The following C13orf46 variants were observed in gnomAD, a reference collection of about 807,000 sequenced individuals.
C13orf46 encodes the protein uncharacterized protein C13orf46.
At chr13:113,957,587 TGC>T (rs2052548939) in intron 6 of C13orf46, among the ~76,000 whole-genome samples, 1 of 121,708 alleles carries the variant, frequency 8.2e-6, no homozygotes, top group Non-Finnish European at 1.7e-5. Flanking sequence ...GGGTCTCCCC[TGC>T]ACTCTGCCTG....
intron 6 of C13orf46, among the ~76,000 whole-genome samples, chr13:113,960,267 T>C (rs1351855510): frequency 6.6e-6 from 1 of 150,456 alleles, no homozygotes; most frequent in African/African-American, 2.4e-5. Flanking sequence ...AAAAAAAAGA[T>C]TGAGCTTTGA....
chr13:113,963,465 CCT>C (rs1208063048), intron 6 of C13orf46, among the ~76,000 whole-genome samples: 4,956 of 121,726 alleles, frequency 0.041, 663 homozygotes, highest in Non-Finnish European at 0.071. Flanking sequence ...CAGCTTCACC[CCT>C]GTCCTCAGCC....
the C13orf46 span, among the ~76,000 whole-genome samples, chr13:113,931,551 G>A: frequency 6.6e-6 from 1 of 152,230 alleles, no homozygotes; most frequent in African/African-American, 2.4e-5. Flanking sequence ...GCGGGTGACA[G>A]GGTGTGACAT....
chr13:113,949,824 T>C, downstream of C13orf46, among the ~76,000 whole-genome samples: 1 of 151,480 alleles, frequency 6.6e-6, no homozygotes, highest in South Asian at 2.1e-4. Context: ...CTTGGGGACC[T>C]TGGTGCTCCC....
At chr13:113,930,347 AGCACCGAGG>A in the C13orf46 span, among the ~76,000 whole-genome samples, 1 of 85,340 alleles carries the variant, frequency 1.2e-5, no homozygotes, top group African/African-American at 5.7e-5. Flanking sequence ...GGAGTGGAGG[AGCACCGAGG>A]TGGGGGCGCA....
the C13orf46 span, among the ~76,000 whole-genome samples, chr13:113,930,379 C>CG: frequency 2.1e-3 from 203 of 96,850 alleles, 5 homozygotes; most frequent in Admixed American, 1.6e-3. Context: ...AGCACCGAGG[C>CG]GGGGGCGCAG....
the C13orf46 span, among the ~76,000 whole-genome samples, chr13:113,937,432 C>T: frequency 2.0e-5 from 3 of 152,214 alleles, no homozygotes; most frequent in African/African-American, 7.2e-5. Context: ...ATCATTAGCA[C>T]TGGGGTCTTT....
chr13:113,954,992 T>A lies in C13orf46; in HGVS notation c.*1781A>T, dbSNP rs1235647796. On this transcript the variant is annotated 3_prime_UTR_variant, in exon 7 of 7. Transcript: ENST00000636427. ...GATCTGGCGGAGACGAGGAGGAGGA[T>A]CTGGCAGAGAGGAGGAGTAGGATCT... The A allele has an allele frequency of 1.3e-5, 1 of 79,456 alleles. No individual in the cohort carries two copies. The highest frequency in any genetic ancestry group is 4.0e-5 in the African/African-American group (1 of 25,050). 4.9% of individuals were successfully genotyped at this position (79,456 alleles called of 1,614,324 possible).
chr13:113,955,433 G>T lies in C13orf46; in HGVS notation c.*1340C>A. 5.9e-6 allele frequency: 1 copy of T among 169,080 alleles called. No homozygotes were observed. The highest frequency in any genetic ancestry group is 1.3e-5 in the Non-Finnish European group (1 of 79,670). 10.5% of individuals were successfully genotyped at this position (169,080 alleles called of 1,614,324 possible). On this transcript the variant is annotated 3_prime_UTR_variant, in exon 7 of 7. Coordinates refer to ENST00000636427, the MANE Select transcript of C13orf46 (RefSeq NM_001365455.2). Reference sequence around the variant, plus strand: ...GCGGTGACGAGGAGCATCCGGCGGAGATGAGGAGCATCCGGTGGAGAGGAG... The same window carrying T: ...GCGGTGACGAGGAGCATCCGGCGGATATGAGGAGCATCCGGTGGAGAGGAG...
At chr13:113,930,330 C>T in the C13orf46 span, among the ~76,000 whole-genome samples, 76 of 151,498 alleles carry the variant, frequency 5.0e-4, no homozygotes, top group Admixed American at 4.6e-4. Context: ...GAAGGAGCAC[C>T]GGGGTGGGAG....
chr13:113,935,798 C>A, the C13orf46 span, among the ~76,000 whole-genome samples: 4 of 152,254 alleles, frequency 2.6e-5, no homozygotes, highest in Admixed American at 6.5e-5. Flanking sequence ...AAATACACCT[C>A]CCAGATTAGG....
At position 113,973,844 on chromosome 13, in the gene C13orf46, G is replaced by T. The variant is rs1183277304; in HGVS notation, c.154C>A (p.Pro52Thr). The T allele has an allele frequency of 6.6e-6, 1 of 152,298 alleles. No homozygotes were observed. The highest frequency in any genetic ancestry group is 2.4e-5 in the African/African-American group (1 of 41,454). The allele number at this position is 152,298 out of a possible 1,614,324, so 9.4% of individuals were successfully genotyped here. A position where few individuals can be genotyped will look rare whatever the true frequency, so the allele number is the denominator to read the frequency against. ...TGAGGCTTCCTAGGGCGGCTGGGAG[G>T]GTCCCCCTCGGGCTGCAGGCCTCCC... ...SLGGLQPEGD[P>T]PSRPRKPHKE... Residue 52 changes from proline (P) to threonine (T), a missense_variant, in exon 1 of 7, where the codon CCT (proline) becomes ACT (threonine). By Grantham distance (38) the Pro-to-Thr change is conservative. Coordinates refer to ENST00000636427, the MANE Select transcript of C13orf46 (RefSeq NM_001365455.2).
downstream of C13orf46, among the ~76,000 whole-genome samples, chr13:113,952,280 G>A (rs925008301): frequency 8.2e-5 from 12 of 145,836 alleles, no homozygotes; most frequent in East Asian, 1.6e-3. Context: ...TGTGGCCGCC[G>A]CTCCCGCCTG....
At chr13:113,936,589 C>T in the C13orf46 span, among the ~76,000 whole-genome samples, 15 of 152,192 alleles carry the variant, frequency 9.9e-5, no homozygotes, top group Admixed American at 5.9e-4. Flanking sequence ...CACGCAGAGC[C>T]GGCTAAACAG....
chr13:113,935,407 G>A, the C13orf46 span, among the ~76,000 whole-genome samples: 1 of 152,258 alleles, frequency 6.6e-6, no homozygotes, highest in Non-Finnish European at 1.5e-5. Context: ...GTTTGCTTCC[G>A]GCTGTGAAGC....
intron 2 of C13orf46, among the ~76,000 whole-genome samples, 194 bp downstream of exon 2, chr13:113,969,977 A>C (rs1417074061): frequency 6.6e-6 from 1 of 152,070 alleles, no homozygotes; most frequent in Non-Finnish European, 1.5e-5. Flanking sequence ...ATTCCTCTCA[A>C]AATAAGGAGG....
At chr13:113,965,828 T>C in intron 5 of C13orf46, among the ~76,000 whole-genome samples, 1 of 106,944 alleles carries the variant, frequency 9.4e-6, no homozygotes, top group South Asian at 3.4e-4. Context: ...ATGATGGTGA[T>C]AATGGTGATG....
chr13:113,955,513 G>T lies in C13orf46; in HGVS notation c.*1260C>A. ...GCGGAGACGAGGAGCATCTCGTGGAGCGGAGGAGCATCTGGCGGAGACGAG... is the reference window on the plus strand; with the variant it reads ...GCGGAGACGAGGAGCATCTCGTGGATCGGAGGAGCATCTGGCGGAGACGAG... On this transcript the variant is annotated 3_prime_UTR_variant, in exon 7 of 7. Coordinates refer to ENST00000636427, the MANE Select transcript of C13orf46 (RefSeq NM_001365455.2). 6.1e-6 allele frequency: 1 copy of T among 163,844 alleles called. No individual in the cohort carries two copies. Among genetic ancestry groups the T allele is most frequent in the Non-Finnish European group, 1.3e-5 (1 of 76,494 alleles). The allele number at this position is 163,844 out of a possible 1,614,324, so 10.1% of individuals were successfully genotyped here.
chr13:113,959,105 C>T (rs1488561536), intron 6 of C13orf46, among the ~76,000 whole-genome samples: 1 of 151,922 alleles, frequency 6.6e-6, no homozygotes, highest in African/African-American at 2.4e-5. Context: ...AGGGAGATCC[C>T]CATCTCTACT....
Sources: gnomAD v4.1 joint callset for allele counts (sites outside exome capture counted in the v4.1 genomes callset) on GRCh38, gnomAD v4.1.1 for gene constraint, MANE v1.5 for transcripts, NCBI Gene and HGNC (gene_info 2026-07-23, HGNC 2026-07-21) for gene names.